DNAJC1: variants seen among roughly 807,000 people sequenced by gnomAD.
DNAJC1 encodes dnaJ homolog subfamily C member 1.
Under a neutral mutation model 76.6 loss-of-function variants are expected in DNAJC1, and 58 were observed. The observed-to-expected ratio is 0.76, with a 90% CI of 0.61 to 0.94. The LOEUF (loss-of-function observed/expected upper bound fraction) is 0.94. Among genes scored for constraint, DNAJC1 ranks in the 40% least tolerant of loss-of-function variants. The probability of loss-of-function intolerance (pLI) is 0.00; values close to 1 mark genes in which losing one functional copy is unlikely to be tolerated. For missense variants in DNAJC1, 689 were observed against 677.3 expected (o/e 1.02, Z -0.19); for synonymous variants, 258 against 267.9 (o/e 0.96, Z 0.36).
At chr10:21,918,702 G>A (rs1026223137) in intron 6 of DNAJC1, 77 bp downstream of exon 6, 22 of 1,080,732 alleles carry the variant, frequency 2.0e-5, no homozygotes, top group Non-Finnish European at 2.9e-5. Flanking sequence ...CATTCAGAGA[G>A]CCGACATGGG....
At position 21,805,984 on chromosome 10, in the gene DNAJC1, G is replaced by A; in HGVS notation, c.1094C>T (p.Thr365Ile). 1.2e-6 allele frequency: 2 copies of A among 1,611,460 alleles called. No homozygotes were observed. Among genetic ancestry groups the A allele is most frequent in the Non-Finnish European group, 1.7e-6 (2 of 1,179,514 alleles). ...KIAHELGRSVTDVTTKAKQLK... is the reference protein window; with the variant it reads ...KIAHELGRSVIDVTTKAKQLK... ...TGCAAATCTCAGTGAACTCACATCT[G>A]TCACAGATCGACCCAATTCGTGGGC... Residue 365 changes from threonine (T) to isoleucine (I), a missense_variant, in exon 9 of 12, where the codon ACA (threonine) becomes ATA (isoleucine). Transcript: ENST00000376980.
intron 9 of DNAJC1, among the ~76,000 whole-genome samples, chr10:21,792,218 TA>T (rs1386465560): frequency 6.6e-6 from 1 of 152,168 alleles, no homozygotes; most frequent in Admixed American, 6.5e-5. Flanking sequence ...AATGAATTAG[TA>T]ACTAAAAGTC....
At chr10:21,890,417 C>A (rs565427720) in intron 7 of DNAJC1, among the ~76,000 whole-genome samples, 10 of 145,552 alleles carry the variant, frequency 6.9e-5, no homozygotes, top group East Asian at 2.0e-4. Flanking sequence ...CATATCCCCC[C>A]CTACAAAAAA....
At chr10:21,780,865 G>C (rs1459339255) in intron 9 of DNAJC1, among the ~76,000 whole-genome samples, 5 of 152,144 alleles carry the variant, frequency 3.3e-5, no homozygotes, top group Non-Finnish European at 5.9e-5. Flanking sequence ...CATGTGCAGA[G>C]ACACACACAG....
At chr10:21,973,043 A>G (rs1838004739) in intron 1 of DNAJC1, among the ~76,000 whole-genome samples, 1 of 152,284 alleles carries the variant, frequency 6.6e-6, no homozygotes, top group Middle Eastern at 3.4e-3. Flanking sequence ...TAATTTGTGA[A>G]TAAGCCTTAA....
At chr10:21,977,411 G>C (rs1178037358) in intron 1 of DNAJC1, among the ~76,000 whole-genome samples, 1 of 152,112 alleles carries the variant, frequency 6.6e-6, no homozygotes, top group Non-Finnish European at 1.5e-5. Context: ...TTATTTTGTA[G>C]ACATCCACGT....
chr10:21,889,206 C>A (rs1174458352), intron 7 of DNAJC1, among the ~76,000 whole-genome samples: 1 of 151,732 alleles, frequency 6.6e-6, no homozygotes, highest in African/African-American at 2.4e-5. Flanking sequence ...GGGGCAGAAA[C>A]GAGAGAGAGA....
intron 9 of DNAJC1, among the ~76,000 whole-genome samples, chr10:21,791,104 T>A (rs1182859402): frequency 6.6e-6 from 1 of 152,016 alleles, no homozygotes; most frequent in Non-Finnish European, 1.5e-5. Flanking sequence ...AAAACAGACT[T>A]TAAGTGAAAA....
At chr10:21,860,447 C>T (rs1022299199) in intron 8 of DNAJC1, among the ~76,000 whole-genome samples, 2 of 152,048 alleles carry the variant, frequency 1.3e-5, no homozygotes, top group African/African-American at 4.8e-5. Flanking sequence ...AATCCCAGCA[C>T]TTTGGGAGGC....
chr10:21,908,269 T>A (rs1227254432), intron 6 of DNAJC1, among the ~76,000 whole-genome samples: 5 of 115,988 alleles, frequency 4.3e-5, no homozygotes, highest in African/African-American at 1.3e-4. Context: ...ATATATATAT[T>A]TTATATATAT....
intron 9 of DNAJC1, among the ~76,000 whole-genome samples, chr10:21,800,645 T>C (rs1001984713): frequency 2.0e-5 from 3 of 152,244 alleles, no homozygotes; most frequent in Non-Finnish European, 4.4e-5. Flanking sequence ...GCTCATGTTC[T>C]AGAGCTATGT....
intron 8 of DNAJC1, chr10:21,865,198 GTCATTCTCCCACAA>G (rs760231124): frequency 1.3e-5 from 2 of 152,096 alleles, no homozygotes; most frequent in Admixed American, 6.6e-5. Context: ...ACAGGTTCTA[GTCATTCTCCCACAA>G]GGCATTTACT....
At chr10:21,835,564 A>G (rs1388166901) in intron 8 of DNAJC1, among the ~76,000 whole-genome samples, 1 of 152,220 alleles carries the variant, frequency 6.6e-6, no homozygotes, top group African/African-American at 2.4e-5. Context: ...ACGGCAAAGA[A>G]GTTAAAAGCT....
chr10:21,834,428 C>T (rs1005932079), intron 8 of DNAJC1, among the ~76,000 whole-genome samples: 13 of 152,204 alleles, frequency 8.5e-5, no homozygotes, highest in Non-Finnish European at 1.8e-4. Flanking sequence ...GCATTTTCAA[C>T]TGAGGTACCG....
chr10:21,762,526 T>C (rs1433277900), intron 10 of DNAJC1, among the ~76,000 whole-genome samples: 1 of 152,248 alleles, frequency 6.6e-6, no homozygotes, highest in Non-Finnish European at 1.5e-5. Context: ...TGCTCTGGTA[T>C]TCATTGTGCA....
At chr10:21,950,145 T>TTTA (rs1837568099) in intron 1 of DNAJC1, among the ~76,000 whole-genome samples, 1 of 152,080 alleles carries the variant, frequency 6.6e-6, no homozygotes, top group Non-Finnish European at 1.5e-5. Flanking sequence ...GCGGCTATTG[T>TTTA]ATCTTTTTCC....
chr10:21,900,261 T>C (rs1414480106), intron 7 of DNAJC1, among the ~76,000 whole-genome samples: 2 of 151,364 alleles, frequency 1.3e-5, no homozygotes, highest in African/African-American at 4.9e-5. Flanking sequence ...AAGAATCACT[T>C]GAACCTGGGA....
chr10:21,844,332 C>A (rs1025101171), intron 8 of DNAJC1, among the ~76,000 whole-genome samples: 1 of 151,214 alleles, frequency 6.6e-6, no homozygotes, highest in Admixed American at 6.6e-5. Flanking sequence ...GGTCTCGAAT[C>A]CTGGCCTCAA....
intron 1 of DNAJC1, among the ~76,000 whole-genome samples, chr10:22,002,618 CG>C (rs1344800488): frequency 1.3e-5 from 2 of 152,042 alleles, no homozygotes; most frequent in East Asian, 3.9e-4. Context: ...ACTGCGAAAG[CG>C]AAACAAACAT....
Sources: allele counts gnomAD v4.1 joint callset (sites outside exome capture counted in the v4.1 genomes callset), GRCh38; gene constraint gnomAD v4.1.1; transcripts MANE v1.5; gene names NCBI Gene and HGNC (gene_info 2026-07-23, HGNC 2026-07-21).